Variants in TYW1B observed in about 807,000 individuals in gnomAD.
TYW1B encodes S-adenosyl-L-methionine-dependent tRNA 4-demethylwyosine synthase TYW1B.
TYW1B carries 73 observed loss-of-function variants against 86.9 expected under a neutral mutation model. That is an observed-to-expected ratio of 0.84 (90% confidence interval 0.70 to 1.02). The LOEUF (loss-of-function observed/expected upper bound fraction) is 1.02, where lower values mean the gene tolerates loss of function less well. Among genes scored for constraint, TYW1B ranks in the 50% least tolerant of loss-of-function variants. The pLI, the probability that TYW1B is intolerant of heterozygous loss-of-function variation, is 0.00. For missense variants in TYW1B, 637 were observed against 827.4 expected, an observed-to-expected ratio of 0.77 and a Z score of 2.82; for synonymous variants, 248 against 292.8, an observed-to-expected ratio of 0.85 and a Z score of 1.56.
chr7:72,786,004 C>G (rs1370292845), intron 6 of TYW1B, among the ~76,000 whole-genome samples: 1 of 151,892 alleles, frequency 6.6e-6, no homozygotes, highest in African/African-American at 2.4e-5. Flanking sequence ...CCCACCTACT[C>G]GGGAGGCTGA....
chr7:72,619,647 CAAAAAAAA>C lies in TYW1B; in HGVS notation c.1618-2816_1618-2809del, dbSNP rs34309451. On this transcript the variant is annotated intron_variant, in intron 12 of 13. Transcript: ENST00000620995. Reference sequence around the variant, plus strand: ...TGGGCGACAGAGCAAGACTCCGTCTCAAAAAAAAAAAAAAAAAAAGAAATCATTACGAA... The same window carrying C: ...TGGGCGACAGAGCAAGACTCCGTCTCAAAAAAAAAAAGAAATCATTACGAA... Among the ~76,000 whole-genome samples the C allele has an allele frequency of 1.4e-3, 94 of 68,780 alleles. 1 individual carries two copies. The Middle Eastern group carries it at 0.038, about 28-fold the overall frequency. 45.1% of individuals were successfully genotyped at this position (68,780 alleles called of 152,430 possible).
chr7:72,610,978 A>ACCCTGCCTAATAATCTCCTTT (rs1811920741), intron 13 of TYW1B, among the ~76,000 whole-genome samples: 1 of 152,088 alleles, frequency 6.6e-6, no homozygotes, highest in Non-Finnish European at 1.5e-5. Context: ...TGTGATCTTA[A>ACCCTGCCTAATAATCTCCTTT]CCCTGCCTAA....
At chr7:72,783,640 T>C (rs532428223) in intron 6 of TYW1B, among the ~76,000 whole-genome samples, 3 of 152,226 alleles carry the variant, frequency 2.0e-5, no homozygotes, top group Admixed American at 6.5e-5. Context: ...TCACCATTAC[T>C]CAAAGCTTTT....
At chr7:72,762,903 A>G (rs1787708518) in intron 7 of TYW1B, among the ~76,000 whole-genome samples, 1 of 152,138 alleles carries the variant, frequency 6.6e-6, no homozygotes, top group South Asian at 2.1e-4. Flanking sequence ...CAAGTGATCC[A>G]TCTGCCATGG....
intron 3 of TYW1B, among the ~76,000 whole-genome samples, chr7:72,814,829 C>T (rs2129572803): frequency 6.6e-6 from 1 of 151,496 alleles, no homozygotes. Flanking sequence ...CTTTGGGAGG[C>T]CAAGGCAGGT....
intron 11 of TYW1B, among the ~76,000 whole-genome samples, chr7:72,663,909 A>G (rs1206784178): frequency 6.6e-6 from 1 of 151,794 alleles, no homozygotes; most frequent in Non-Finnish European, 1.5e-5. Context: ...CACATATATC[A>G]CAATAACTCA....
intron 11 of TYW1B, among the ~76,000 whole-genome samples, chr7:72,650,983 T>C (rs1813041798): frequency 1.3e-5 from 2 of 152,176 alleles, no homozygotes; most frequent in African/African-American, 4.8e-5. Context: ...AAACTGATTC[T>C]AAAATAAATA....
intron 2 of TYW1B, among the ~76,000 whole-genome samples, chr7:72,825,201 T>C (rs1310712819): frequency 6.6e-6 from 1 of 151,954 alleles, no homozygotes; most frequent in Admixed American, 6.6e-5. Flanking sequence ...TATTACCATC[T>C]GCAATTTACC....
chr7:72,614,621 A>C (rs1273596222), intron 13 of TYW1B, among the ~76,000 whole-genome samples: 1 of 150,316 alleles, frequency 6.7e-6, no homozygotes, highest in Non-Finnish European at 1.5e-5. Context: ...CAACAGAGCA[A>C]GACTCCATCT....
intron 10 of TYW1B, among the ~76,000 whole-genome samples, chr7:72,695,798 G>T (rs546366692): frequency 5.9e-5 from 9 of 151,966 alleles, no homozygotes; most frequent in African/African-American, 2.2e-4. Flanking sequence ...GTCCCACTAC[G>T]TTACCTAGGC....
intron 12 of TYW1B, among the ~76,000 whole-genome samples, chr7:72,619,208 G>A (rs574726346): frequency 6.6e-6 from 1 of 152,104 alleles, no homozygotes; most frequent in Non-Finnish European, 1.5e-5. Flanking sequence ...TAGTCGACTT[G>A]CAATAAAAAA....
chr7:72,620,429 A>G (rs1422598851), intron 12 of TYW1B, among the ~76,000 whole-genome samples: 2 of 151,982 alleles, frequency 1.3e-5, no homozygotes, highest in Non-Finnish European at 2.9e-5. Flanking sequence ...AAACAACAAC[A>G]ACAAAACCCT....
At chr7:72,604,198 C>T (rs1309106385) in intron 13 of TYW1B, among the ~76,000 whole-genome samples, 1 of 152,180 alleles carries the variant, frequency 6.6e-6, no homozygotes. Context: ...GTGCAGTGCT[C>T]ATGCCTGTGA....
At chr7:72,603,854 C>T (rs1306478401) in intron 13 of TYW1B, among the ~76,000 whole-genome samples, 1 of 152,046 alleles carries the variant, frequency 6.6e-6, no homozygotes, top group Non-Finnish European at 1.5e-5. Flanking sequence ...CCCCTCAAAG[C>T]TATCAAGGTC....
At chr7:72,770,433 AAAAAAAAAAAAAAG>A (rs1450495871) in intron 7 of TYW1B, among the ~76,000 whole-genome samples, 3 of 148,056 alleles carry the variant, frequency 2.0e-5, no homozygotes, top group African/African-American at 5.0e-5. Flanking sequence ...GTCTCAAAAA[AAAAAAAAAAAAAAG>A]AAAAAAGAAA....
rs1364250752 is a variant in TYW1B at position 72,574,908 on chromosome 7, T to G, written c.*590A>C. Reference sequence around the variant, plus strand: ...TGAGATCTAGTAGTTTTAGATCCGATGCAATTTTGGGAAGGGTTAGTAATA... The same window carrying G: ...TGAGATCTAGTAGTTTTAGATCCGAGGCAATTTTGGGAAGGGTTAGTAATA... On this transcript the variant is annotated 3_prime_UTR_variant, in exon 14 of 14. Transcript: ENST00000620995. 1 of 986,172 alleles carries G rather than the reference T, an allele frequency of 1.0e-6. No homozygotes were observed. The highest frequency in any genetic ancestry group is 1.1e-4 in the East Asian group (1 of 8,842). The allele number at this position is 986,172 out of a possible 1,614,324, so 61.1% of individuals were successfully genotyped here.
chr7:72,747,166 C>T (rs530768563), intron 7 of TYW1B, among the ~76,000 whole-genome samples: 2 of 152,278 alleles, frequency 1.3e-5, no homozygotes, highest in African/African-American at 4.8e-5. Context: ...AGAATTCCCA[C>T]GTGTTGTGGG....
At chr7:72,590,627 C>T (rs531060695) in intron 13 of TYW1B, among the ~76,000 whole-genome samples, 2 of 152,212 alleles carry the variant, frequency 1.3e-5, no homozygotes, top group Non-Finnish European at 2.9e-5. Context: ...TAAGTTCATA[C>T]CTCGGGCTGA....
chr7:72,652,764 G>A (rs1377076124), intron 11 of TYW1B, among the ~76,000 whole-genome samples: 1 of 152,158 alleles, frequency 6.6e-6, no homozygotes, highest in African/African-American at 2.4e-5. Flanking sequence ...AACATGTGGA[G>A]TTGTACTTCA....
Sources: allele counts gnomAD v4.1 joint callset (sites outside exome capture counted in the v4.1 genomes callset), GRCh38; gene constraint gnomAD v4.1.1; transcripts MANE v1.5; gene names NCBI Gene and HGNC (gene_info 2026-07-23, HGNC 2026-07-21).